Variants in DNER observed in about 807,000 individuals in gnomAD.
The protein encoded by DNER is delta/notch like EGF repeat containing.
DNER carries 33 observed loss-of-function variants against 78.2 expected under a neutral mutation model. That is an observed-to-expected ratio of 0.42 (90% CI 0.32 to 0.56). The LOEUF (loss-of-function observed/expected upper bound fraction) is 0.56, where lower values mean the gene tolerates loss of function less well. Ranked by LOEUF, DNER falls within the 20% of genes least tolerant of loss-of-function variation. The pLI is 0.11. For synonymous variants in DNER, 417 were observed against 384.8 expected (o/e 1.08, Z -0.98); for missense variants, 918 against 975.3 (o/e 0.94, Z 0.78).
At chr2:229,636,415 C>T (rs577515577) in intron 1 of DNER, among the ~76,000 whole-genome samples, 14 of 152,048 alleles carry the variant, frequency 9.2e-5, no homozygotes, top group East Asian at 1.9e-4. Flanking sequence ...AAGGCACCCT[C>T]GAGAAGACAG....
intron 4 of DNER, among the ~76,000 whole-genome samples, chr2:229,550,449 T>C (rs907157128): frequency 6.6e-6 from 1 of 152,290 alleles, no homozygotes; most frequent in African/African-American, 2.4e-5. Flanking sequence ...GTGGTCACCT[T>C]CTCTAGACGT....
intron 4 of DNER, among the ~76,000 whole-genome samples, chr2:229,580,918 G>A (rs551716306): frequency 6.6e-6 from 1 of 152,260 alleles, no homozygotes; most frequent in South Asian, 2.1e-4. Context: ...CCAGAAGAGG[G>A]GGATTTCAGT....
intron 1 of DNER, among the ~76,000 whole-genome samples, chr2:229,629,515 T>G (rs1052517244): frequency 5.3e-5 from 8 of 152,186 alleles, no homozygotes; most frequent in Admixed American, 2.6e-4. Context: ...AGTTAGCAAC[T>G]CCAGGGTGCC....
At chr2:229,484,815 A>C (rs984415723) in intron 6 of DNER, among the ~76,000 whole-genome samples, 1 of 152,342 alleles carries the variant, frequency 6.6e-6, no homozygotes, top group African/African-American at 2.4e-5. Context: ...ATGGAACCTT[A>C]GTCCTTCAGA....
intron 6 of DNER, among the ~76,000 whole-genome samples, chr2:229,487,813 A>T (rs1200853819): frequency 6.6e-6 from 1 of 152,232 alleles, no homozygotes; most frequent in Admixed American, 6.5e-5. Flanking sequence ...ACACATTCCC[A>T]TGAAACAGCA....
At chr2:229,500,648 G>A (rs931191254) in intron 6 of DNER, among the ~76,000 whole-genome samples, 4 of 152,080 alleles carry the variant, frequency 2.6e-5, no homozygotes, top group Non-Finnish European at 4.4e-5. Flanking sequence ...TCCATCAACA[G>A]GTGAGTGAAT....
At chr2:229,671,529 C>T (rs1306066875) in intron 1 of DNER, among the ~76,000 whole-genome samples, 1 of 152,218 alleles carries the variant, frequency 6.6e-6, no homozygotes, top group Non-Finnish European at 1.5e-5. Flanking sequence ...TCTCCCTCCA[C>T]CCCCAAACTA....
chr2:229,632,465 T>C (rs1698447139), intron 1 of DNER, among the ~76,000 whole-genome samples: 1 of 152,214 alleles, frequency 6.6e-6, no homozygotes, highest in South Asian at 2.1e-4. Context: ...AAGGCTTGTC[T>C]CCTTAATAAA....
chr2:229,543,997 A>C (rs1696568500), intron 5 of DNER, among the ~76,000 whole-genome samples: 1 of 151,974 alleles, frequency 6.6e-6, no homozygotes, highest in Admixed American at 6.6e-5. Context: ...AACTATACAC[A>C]CACGCCACCC....
intron 6 of DNER, among the ~76,000 whole-genome samples, chr2:229,498,058 A>G (rs1186374807): frequency 6.6e-6 from 1 of 152,178 alleles, no homozygotes; most frequent in Non-Finnish European, 1.5e-5. Context: ...ATTTAATACC[A>G]TATTAACAGA....
chr2:229,537,043 T>G (rs1456725836), intron 5 of DNER, among the ~76,000 whole-genome samples: 2 of 152,142 alleles, frequency 1.3e-5, no homozygotes, highest in Non-Finnish European at 2.9e-5. Flanking sequence ...GACCCCTGCC[T>G]TTAGTGCGTT....
chr2:229,489,748 G>A (rs985561548), intron 6 of DNER, among the ~76,000 whole-genome samples: 2 of 152,142 alleles, frequency 1.3e-5, no homozygotes, highest in Admixed American at 6.5e-5. Context: ...GAGGTCTCAG[G>A]AGAGCAGGCA....
At chr2:229,420,895 A>T (rs1693749409) in intron 8 of DNER, among the ~76,000 whole-genome samples, 1 of 152,228 alleles carries the variant, frequency 6.6e-6, no homozygotes, top group South Asian at 2.1e-4. Context: ...CCACCACATG[A>T]TCCAGCAATT....
chr2:229,502,393 G>C (rs1485512995), intron 6 of DNER, among the ~76,000 whole-genome samples: 1 of 151,880 alleles, frequency 6.6e-6, no homozygotes, highest in African/African-American at 2.4e-5. Flanking sequence ...CGTTCCTCTT[G>C]CACCCTCCTT....
At chr2:229,374,928 G>A (rs1177055441) in intron 11 of DNER, among the ~76,000 whole-genome samples, 2 of 152,196 alleles carry the variant, frequency 1.3e-5, no homozygotes, top group African/African-American at 4.8e-5. Flanking sequence ...ACTACTTACT[G>A]TGGGTTGCAC....
intron 5 of DNER, among the ~76,000 whole-genome samples, chr2:229,534,793 T>C (rs554554627): frequency 2.5e-4 from 38 of 152,338 alleles, no homozygotes; most frequent in African/African-American, 9.1e-4. Context: ...TAACAGGTGA[T>C]GAGTTTATTG....
chr2:229,538,668 A>G (rs1696457814), intron 5 of DNER, among the ~76,000 whole-genome samples: 1 of 152,188 alleles, frequency 6.6e-6, no homozygotes, highest in Non-Finnish European at 1.5e-5. Flanking sequence ...TCAGACTAAC[A>G]TAAGCATTAT....
At chr2:229,422,858 C>T (rs1352525673) in intron 8 of DNER, among the ~76,000 whole-genome samples, 1 of 152,128 alleles carries the variant, frequency 6.6e-6, no homozygotes, top group African/African-American at 2.4e-5. Context: ...GATCAAGACA[C>T]TGGACAAGGA....
At chr2:229,534,450 C>A (rs911199537) in intron 5 of DNER, among the ~76,000 whole-genome samples, 7 of 152,222 alleles carry the variant, frequency 4.6e-5, no homozygotes, top group African/African-American at 1.7e-4. Flanking sequence ...AAGCGTTTGA[C>A]ATGGCTTCAG....
Sources: gnomAD v4.1 joint callset for allele counts (sites outside exome capture counted in the v4.1 genomes callset) on GRCh38, gnomAD v4.1.1 for gene constraint, MANE v1.5 for transcripts, NCBI Gene and HGNC (gene_info 2026-07-23, HGNC 2026-07-21) for gene names.